FCHO2: variants seen among roughly 807,000 people sequenced by gnomAD.
FCHO2 encodes FCH and mu domain containing endocytic adaptor 2.
In FCHO2, 43 loss-of-function variants were observed where a neutral mutation model predicts 114.1. That is an observed-to-expected ratio of 0.38 (90% CI 0.30 to 0.49). The LOEUF is 0.49. Among genes scored for constraint, FCHO2 ranks in the 20% least tolerant of loss-of-function variants. The pLI is 0.97. For synonymous variants in FCHO2, 293 were observed against 315.2 expected (o/e 0.93, Z 0.75); for missense variants, 807 against 950.4 (o/e 0.85, Z 1.98).
intron 24 of FCHO2, among the ~76,000 whole-genome samples, chr5:73,087,273 G>T (rs942668539): frequency 6.6e-6 from 1 of 152,044 alleles, no homozygotes; most frequent in Admixed American, 6.6e-5. Flanking sequence ...CCCTCCTAGG[G>T]TTTTTCTCTG....
chr5:72,976,713 G>T lies in FCHO2; in HGVS notation c.125+8124G>T, dbSNP rs192230463. On this transcript the variant is annotated intron_variant, in intron 2 of 25. Coordinates refer to ENST00000430046, the MANE Select transcript of FCHO2 (RefSeq NM_138782.3). The stretch of plus-strand genomic sequence containing the variant: ...AGGTATACATGTGCCATGGTGGTTT[G>T]CTGCACCCATGAACCTGTCATCCAC... 1.9e-3 allele frequency among the ~76,000 whole-genome samples: 282 copies of T among 152,120 alleles called. 3 individuals carry two copies. Among genetic ancestry groups the T allele is most frequent in the African/African-American group, 6.4e-3 (265 of 41,506 alleles).
At chr5:73,053,538 A>G (rs1757431569) in intron 13 of FCHO2, among the ~76,000 whole-genome samples, 1 of 152,170 alleles carries the variant, frequency 6.6e-6, no homozygotes, top group Non-Finnish European at 1.5e-5. Flanking sequence ...TTGAAAAAAT[A>G]CAAAAAATTA....
intron 16 of FCHO2, 51 bp from the exon 17 acceptor site, chr5:73,058,382 A>G (rs1187706369): frequency 1.6e-6 from 2 of 1,238,558 alleles, no homozygotes; most frequent in Non-Finnish European, 1.1e-6. Context: ...GAAATTTTAT[A>G]CTAATAAAAT....
At chr5:73,047,410 T>A (rs1023598974) in intron 11 of FCHO2, among the ~76,000 whole-genome samples, 19 of 152,156 alleles carry the variant, frequency 1.2e-4, no homozygotes, top group Middle Eastern at 3.4e-3. Flanking sequence ...TTTTTTTTTT[T>A]AAACAAAGAT....
At chr5:72,997,777 G>A in intron 5 of FCHO2, 1 of 1,318,328 alleles carries the variant, frequency 7.6e-7, no homozygotes, top group Non-Finnish European at 1.0e-6. Flanking sequence ...CTCTGCCCTG[G>A]AAGCCCTACA....
chr5:73,024,086 G>A (rs918283882), intron 8 of FCHO2, among the ~76,000 whole-genome samples: 13 of 151,390 alleles, frequency 8.6e-5, no homozygotes, highest in African/African-American at 3.2e-4. Context: ...TTGAGACATG[G>A]TCTTGCTCTG....
intron 2 of FCHO2, among the ~76,000 whole-genome samples, chr5:72,979,378 CTTTTTTTTTTTTTT>C (rs60234739): frequency 3.6e-4 from 18 of 49,792 alleles, no homozygotes; most frequent in South Asian, 3.3e-3. Flanking sequence ...TTATCAATTT[CTTTTTTTTTTTTTT>C]TTTTTTTTTT....
chr5:72,968,973 G>T (rs559269048), intron 2 of FCHO2, among the ~76,000 whole-genome samples: 2 of 152,082 alleles, frequency 1.3e-5, no homozygotes, highest in African/African-American at 4.8e-5. Context: ...TTGTGTTTTT[G>T]TAACTTTTAT....
intron 8 of FCHO2, among the ~76,000 whole-genome samples, chr5:73,029,696 A>G (rs1459923553): frequency 3.3e-5 from 5 of 152,202 alleles, no homozygotes; most frequent in African/African-American, 1.2e-4. Context: ...TCATAGTGGA[A>G]GGCAACAGAG....
intron 11 of FCHO2, among the ~76,000 whole-genome samples, chr5:73,043,060 C>G (rs1384208917): frequency 6.6e-6 from 1 of 152,080 alleles, no homozygotes; most frequent in Non-Finnish European, 1.5e-5. Context: ...TCCCATGTAG[C>G]TGGGACTACA....
chr5:72,983,630 C>A (rs1310885542), intron 2 of FCHO2, among the ~76,000 whole-genome samples: 1 of 141,886 alleles, frequency 7.0e-6, no homozygotes. Context: ...CTCAAATGAT[C>A]TGCCCACCTC....
intron 10 of FCHO2, among the ~76,000 whole-genome samples, chr5:73,037,500 A>T (rs1756579402): frequency 1.3e-5 from 2 of 152,094 alleles, no homozygotes; most frequent in Admixed American, 1.3e-4. Context: ...AAAATGATAA[A>T]TGCATATTTT....
intron 2 of FCHO2, among the ~76,000 whole-genome samples, chr5:72,970,223 T>C (rs1752445010): frequency 6.6e-6 from 1 of 152,252 alleles, no homozygotes; most frequent in Non-Finnish European, 1.5e-5. Context: ...TTTCAGGTCT[T>C]ATTGTTCTAG....
rs78805403 is a variant in FCHO2 at position 73,083,547 on chromosome 5, C to T, written c.2245+722C>T. On this transcript the variant is annotated intron_variant, in intron 24 of 25. Coordinates refer to ENST00000430046, the MANE Select transcript of FCHO2 (RefSeq NM_138782.3). ...AACACAGTTTAGTTCATTCTGTTAACGGGATTCTCCTGACCTCCCAGAAAT... is the reference window on the plus strand; with the variant it reads ...AACACAGTTTAGTTCATTCTGTTAATGGGATTCTCCTGACCTCCCAGAAAT... Among the ~76,000 whole-genome samples, 596 of 152,128 alleles carry T rather than the reference C, an allele frequency of 3.9e-3. 2 individuals carry two copies. The highest frequency in any genetic ancestry group is 0.013 in the African/African-American group (552 of 41,558).
At chr5:73,067,210 G>A (rs1742392114) in intron 18 of FCHO2, among the ~76,000 whole-genome samples, 2 of 151,868 alleles carry the variant, frequency 1.3e-5, no homozygotes, top group African/African-American at 4.8e-5. Flanking sequence ...AGCTGTTTTT[G>A]CCTTTTCCTA....
At chr5:72,986,424 GCT>G (rs1753525340) in intron 2 of FCHO2, among the ~76,000 whole-genome samples, 1 of 152,126 alleles carries the variant, frequency 6.6e-6, no homozygotes, top group African/African-American at 2.4e-5. Flanking sequence ...GCTGAGAAAA[GCT>G]CTGTTTCACT....
At chr5:73,036,297 GACA>G (rs1359838299) in intron 9 of FCHO2, among the ~76,000 whole-genome samples, 7 of 152,074 alleles carry the variant, frequency 4.6e-5, no homozygotes, top group Non-Finnish European at 2.9e-5. Context: ...TTGTATTAGG[GACA>G]ACATTATGGA....
At chr5:73,087,284 G>A (rs1041130183) in intron 24 of FCHO2, among the ~76,000 whole-genome samples, 4 of 151,760 alleles carry the variant, frequency 2.6e-5, no homozygotes, top group Non-Finnish European at 4.4e-5. Context: ...TTTTTCTCTG[G>A]GCTGTCCTCA....
chr5:73,087,668 C>T lies in FCHO2; in HGVS notation c.2325C>T (p.Ser775=), dbSNP rs747906756. ...KPTTLAVQFL[S]EGSTLSGVDF... ...CGACACTTGCAGTACAATTCCTCAG[C>T]GAGGGAAGTACCCTTTCAGGAGTAG... The change falls in exon 25 of 26, where the codon AGC becomes AGT. Residue 775 remains serine, a synonymous_variant. Coordinates refer to ENST00000430046, the MANE Select transcript of FCHO2 (RefSeq NM_138782.3). 1.4e-5 allele frequency: 23 copies of T among 1,613,688 alleles called. No homozygotes were observed. The highest frequency in any genetic ancestry group is 1.6e-4 in the Middle Eastern group (1 of 6,076).
Sources: allele counts gnomAD v4.1 joint callset (sites outside exome capture counted in the v4.1 genomes callset), GRCh38; gene constraint gnomAD v4.1.1; transcripts MANE v1.5; gene names NCBI Gene and HGNC (gene_info 2026-07-23, HGNC 2026-07-21).